The following TAOK1 variants were observed in gnomAD, a reference collection of about 807,000 sequenced individuals.
TAOK1 encodes TAO kinase 1.
Under a neutral mutation model 138.3 loss-of-function variants are expected in TAOK1, and 21 were observed. That is an observed-to-expected ratio of 0.15 (90% CI 0.11 to 0.22). The LOEUF (loss-of-function observed/expected upper bound fraction) is 0.22. Ranked by LOEUF, TAOK1 falls within the 10% of genes least tolerant of loss-of-function variation. The pLI, the probability that TAOK1 is intolerant of heterozygous loss-of-function variation, is 1.00. For missense variants in TAOK1, 651 were observed against 1,227.7 expected (o/e 0.53, Z 7.02); for synonymous variants, 361 against 398.4 (o/e 0.91, Z 1.12).
intron 3 of TAOK1, among the ~76,000 whole-genome samples, chr17:29,470,471 A>G (rs1013949257): frequency 6.6e-6 from 1 of 152,202 alleles, no homozygotes; most frequent in African/African-American, 2.4e-5. Context: ...ATTTGGTAAT[A>G]GAAATGAGCC....
intron 3 of TAOK1, among the ~76,000 whole-genome samples, chr17:29,470,897 C>T (rs549863925): frequency 2.0e-5 from 3 of 152,106 alleles, no homozygotes; most frequent in African/African-American, 4.8e-5. Context: ...CCGAGGCAGG[C>T]GGATCACTTG....
At chr17:29,512,726 A>C (rs1461191988) in intron 15 of TAOK1, 1 of 147,300 alleles carries the variant, frequency 6.8e-6, no homozygotes, top group Non-Finnish European at 1.5e-5. Context: ...TCTGTCACCC[A>C]GGCTGGAGTG....
intron 1 of TAOK1, among the ~76,000 whole-genome samples, chr17:29,399,372 G>A (rs1325985178): frequency 1.3e-5 from 2 of 152,204 alleles, no homozygotes. Flanking sequence ...ATGGAGTGCA[G>A]TGGCACAATC....
chr17:29,477,766 A>G, intron 5 of TAOK1, 60 bp downstream of exon 5: 1 of 1,084,020 alleles, frequency 9.2e-7, no homozygotes, highest in Non-Finnish European at 1.2e-6. Context: ...TAATTTAGAC[A>G]TTATTTAAAT....
chr17:29,410,635 G>GTTTTTTTTTTTTTTTTTTTTTTT (rs1207404073), intron 1 of TAOK1, among the ~76,000 whole-genome samples: 1 of 136,894 alleles, frequency 7.3e-6, no homozygotes. Flanking sequence ...TTTTTTTTTG[G>GTTTTTTTTTTTTTTTTTTTTTTT]TTTTTTTTTT....
chr17:29,521,834 G>A (rs2031925922), intron 16 of TAOK1, among the ~76,000 whole-genome samples: 2 of 152,226 alleles, frequency 1.3e-5, no homozygotes, highest in African/African-American at 2.4e-5. Context: ...CACCCGCCTC[G>A]GCCTCCCAAA....
chr17:29,491,382 A>G lies in TAOK1; in HGVS notation c.750-402A>G, dbSNP rs199553826. On this transcript the variant is annotated intron_variant, in intron 9 of 19. Transcript: ENST00000261716. ...ATAGAGTGATATTCTGAAACATGCT[A>G]TATAGAAGAAGATCCAAGGGGCAAA... is the stretch of plus-strand genomic sequence containing the variant. Among the ~76,000 whole-genome samples, 23 of 152,286 alleles carry G rather than the reference A, an allele frequency of 1.5e-4. No individual in the cohort carries two copies. The East Asian group carries it at 4.4e-3, about 29-fold the overall frequency.
At chr17:29,439,156 T>C (rs144503781) in intron 1 of TAOK1, among the ~76,000 whole-genome samples, 4,134 of 151,956 alleles carry the variant, frequency 0.027, 106 homozygotes, top group Middle Eastern at 0.1. Flanking sequence ...TTATCAAATA[T>C]ACAGTCTGTT....
chr17:29,421,592 G>A (rs1029310690), intron 1 of TAOK1, among the ~76,000 whole-genome samples: 1 of 152,100 alleles, frequency 6.6e-6, no homozygotes. Flanking sequence ...TACTTTAGTG[G>A]AAACAGTAAG....
chr17:29,483,221 G>A (rs919267669), intron 8 of TAOK1, among the ~76,000 whole-genome samples: 2 of 151,986 alleles, frequency 1.3e-5, no homozygotes, highest in African/African-American at 2.4e-5. Context: ...GGGACTGCAG[G>A]CACACACCAG....
chr17:29,453,284 C>T (rs2030290394), intron 2 of TAOK1, among the ~76,000 whole-genome samples: 2 of 151,472 alleles, frequency 1.3e-5, no homozygotes, highest in African/African-American at 4.9e-5. Flanking sequence ...CTCAGCCTCC[C>T]GAGTAGCTGG....
chr17:29,443,210 C>T (rs2153023580), intron 1 of TAOK1, among the ~76,000 whole-genome samples: 1 of 152,260 alleles, frequency 6.6e-6, no homozygotes, highest in South Asian at 2.1e-4. Context: ...CAATGTCCTT[C>T]TTGTGAAAAT....
intron 8 of TAOK1, among the ~76,000 whole-genome samples, chr17:29,486,492 G>A (rs907713967): frequency 6.6e-6 from 1 of 152,058 alleles, no homozygotes; most frequent in Non-Finnish European, 1.5e-5. Context: ...AATTAGCTGG[G>A]CGTGGTGGCG....
chr17:29,418,981 C>CA (rs1201873646), intron 1 of TAOK1, among the ~76,000 whole-genome samples: 1 of 136,572 alleles, frequency 7.3e-6, no homozygotes, highest in African/African-American at 2.8e-5. Context: ...TCAGTTTCTT[C>CA]AAAAAAGGCT....
At chr17:29,487,826 A>G (rs557487646) in intron 8 of TAOK1, among the ~76,000 whole-genome samples, 1 of 152,370 alleles carries the variant, frequency 6.6e-6, no homozygotes, top group African/African-American at 2.4e-5. Context: ...GATTCAGAGT[A>G]CCATCTTACA....
At chr17:29,489,123 T>G (rs1223619629) in intron 8 of TAOK1, among the ~76,000 whole-genome samples, 1 of 152,202 alleles carries the variant, frequency 6.6e-6, no homozygotes, top group African/African-American at 2.4e-5. Flanking sequence ...TGTTCTTCTT[T>G]ACAGGAAATA....
chr17:29,435,979 A>C (rs1906016976), intron 1 of TAOK1, among the ~76,000 whole-genome samples: 1 of 152,028 alleles, frequency 6.6e-6, no homozygotes, highest in South Asian at 2.1e-4. Flanking sequence ...AAATACAAAA[A>C]ATTAGCTGGG....
chr17:29,462,659 T>G lies in TAOK1; in HGVS notation c.133-4486T>G, dbSNP rs147750512. On this transcript the variant is annotated intron_variant, in intron 2 of 19. Coordinates refer to ENST00000261716, the MANE Select transcript of TAOK1 (RefSeq NM_020791.4). ...AGTGATTACAGTAAATTGTTTGGTG[T>G]TGTTCACATTAGTCTCATAAGACCA... 7.7e-4 allele frequency among the ~76,000 whole-genome samples: 118 copies of G among 152,332 alleles called. No individual in the cohort carries two copies. The East Asian group carries it at 0.018, about 24-fold the overall frequency.
rs144152168 is a variant in TAOK1, at chr17:29,468,520, A to T, written c.204+1304A>T. Among the ~76,000 whole-genome samples, 98 of 151,506 alleles carry T rather than the reference A, an allele frequency of 6.5e-4. No individual in the cohort carries two copies. In the East Asian group the frequency reaches 0.017, roughly 26 times the overall value. ...TTCTAAAAAATTAAAGTAAAATAAGATGTACTTGACAGTAAATTATACTGG... is the reference window on the plus strand; with the variant it reads ...TTCTAAAAAATTAAAGTAAAATAAGTTGTACTTGACAGTAAATTATACTGG... On this transcript the variant is annotated intron_variant, in intron 3 of 19. Coordinates refer to ENST00000261716, the MANE Select transcript of TAOK1 (RefSeq NM_020791.4).
Sources: gnomAD v4.1 joint callset for allele counts (sites outside exome capture counted in the v4.1 genomes callset) on GRCh38, gnomAD v4.1.1 for gene constraint, MANE v1.5 for transcripts, NCBI Gene and HGNC (gene_info 2026-07-23, HGNC 2026-07-21) for gene names.